SLC39A11: variants seen among roughly 807,000 people sequenced by gnomAD.
SLC39A11 encodes zinc transporter ZIP11.
In SLC39A11, 33 loss-of-function variants were observed where a neutral mutation model predicts 36.1. That is an observed-to-expected ratio of 0.91 (90% CI 0.69 to 1.22). The LOEUF (loss-of-function observed/expected upper bound fraction) is 1.22. SLC39A11 is among the 50% of genes most tolerant of loss of function. The probability of loss-of-function intolerance (pLI) is 0.00; values close to 1 mark genes in which losing one functional copy is unlikely to be tolerated. For missense variants in SLC39A11, 432 were observed against 430.3 expected, an observed-to-expected ratio of 1.00 and a Z score of -0.03; for synonymous variants, 166 against 170.3, an observed-to-expected ratio of 0.97 and a Z score of 0.20.
intron 7 of SLC39A11, among the ~76,000 whole-genome samples, chr17:72,674,726 T>C (rs1414276223): frequency 6.6e-6 from 1 of 152,216 alleles, no homozygotes; most frequent in Non-Finnish European, 1.5e-5. Context: ...GTTTTACATT[T>C]TCCCCACTGA....
chr17:72,762,042 T>A (rs2075601037), intron 6 of SLC39A11, among the ~76,000 whole-genome samples: 1 of 152,184 alleles, frequency 6.6e-6, no homozygotes, highest in Non-Finnish European at 1.5e-5. Context: ...AAGCCTGACC[T>A]TCTGATAAGG....
intron 7 of SLC39A11, among the ~76,000 whole-genome samples, chr17:72,663,402 C>T (rs565092121): frequency 1.3e-5 from 2 of 152,244 alleles, no homozygotes; most frequent in South Asian, 2.1e-4. Context: ...TACAGGATAA[C>T]GTTTCAGAAA....
intron 5 of SLC39A11, among the ~76,000 whole-genome samples, chr17:72,933,056 T>G (rs2084521763): frequency 6.6e-6 from 1 of 152,170 alleles, no homozygotes; most frequent in Non-Finnish European, 1.5e-5. Flanking sequence ...CTCTTACTCC[T>G]CCCTTCAACA....
At chr17:72,865,629 A>G (rs976486689) in intron 5 of SLC39A11, among the ~76,000 whole-genome samples, 2 of 152,160 alleles carry the variant, frequency 1.3e-5, no homozygotes, top group Non-Finnish European at 2.9e-5. Context: ...CCCTCAAGGA[A>G]AAATGCAGCC....
At chr17:72,809,847 A>G (rs1184262805) in intron 6 of SLC39A11, among the ~76,000 whole-genome samples, 1 of 152,186 alleles carries the variant, frequency 6.6e-6, no homozygotes. Context: ...AGGTGGGCAG[A>G]TCACTTGAGG....
intron 4 of SLC39A11, among the ~76,000 whole-genome samples, chr17:72,962,992 C>G (rs113262505): frequency 0.088 from 13,371 of 151,934 alleles, 857 homozygotes; most frequent in African/African-American, 0.17. Flanking sequence ...GGAAGGCCCA[C>G]TCTCTCTTTT....
intron 4 of SLC39A11, among the ~76,000 whole-genome samples, chr17:73,013,610 G>A (rs751835676): frequency 9.9e-5 from 15 of 152,238 alleles, no homozygotes; most frequent in African/African-American, 2.2e-4. Context: ...CACGGCCCAC[G>A]GGCAGCAGGT....
At chr17:72,671,532 C>G (rs1182321670) in intron 7 of SLC39A11, among the ~76,000 whole-genome samples, 1 of 152,064 alleles carries the variant, frequency 6.6e-6, no homozygotes, top group Non-Finnish European at 1.5e-5. Context: ...ACCAGCCTGG[C>G]CAAAACAGTG....
chr17:73,046,815 T>G (rs1301541434), intron 3 of SLC39A11, among the ~76,000 whole-genome samples: 1 of 151,658 alleles, frequency 6.6e-6, no homozygotes, highest in Non-Finnish European at 1.5e-5. Flanking sequence ...GTGGCGCATG[T>G]CCATAGTCCC....
chr17:72,650,857 G>A (rs1056423401), intron 7 of SLC39A11, among the ~76,000 whole-genome samples: 9 of 152,134 alleles, frequency 5.9e-5, no homozygotes, highest in Non-Finnish European at 8.8e-5. Flanking sequence ...CCCGGGACTG[G>A]GACACACTCG....
intron 5 of SLC39A11, among the ~76,000 whole-genome samples, chr17:72,897,038 G>A (rs2082063375): frequency 9.7e-6 from 1 of 102,822 alleles, no homozygotes; most frequent in African/African-American, 4.4e-5. Flanking sequence ...GGGCGACAGA[G>A]TAAGACTCTG....
intron 6 of SLC39A11, among the ~76,000 whole-genome samples, chr17:72,811,525 T>C (rs750323462): frequency 6.6e-6 from 1 of 152,226 alleles, no homozygotes; most frequent in Non-Finnish European, 1.5e-5. Context: ...TGGGCATCTT[T>C]GCCTGTCAGA....
At chr17:73,082,035 C>T (rs900647917) in intron 3 of SLC39A11, among the ~76,000 whole-genome samples, 11 of 137,808 alleles carry the variant, frequency 8.0e-5, no homozygotes, top group African/African-American at 2.7e-4. Context: ...GTGATGGGTA[C>T]ACCAAAATCT....
rs1491337743 is a variant in SLC39A11 at position 72,723,319 on chromosome 17, A to AGAGT, written c.671+13327_671+13330dup. On this transcript the variant is annotated intron_variant, in intron 7 of 9. Coordinates refer to ENST00000255559, the MANE Select transcript of SLC39A11 (RefSeq NM_139177.4). ...TTTTCTTTGTCTTTGTAGGAGTGTA[A>AGAGT]GAGTGTGTGTGTGTGTGTGTGTGTG... Among the ~76,000 whole-genome samples the AGAGT allele has an allele frequency of 8.3e-3, 499 of 60,198 alleles. 2 individuals are homozygous for AGAGT. The highest frequency in any genetic ancestry group is 0.04 in the African/African-American group (435 of 10,764). The allele number at this position is 60,198 out of a possible 152,430, so 39.5% of individuals were successfully genotyped here.
At chr17:72,877,108 A>G (rs1394298485) in intron 5 of SLC39A11, among the ~76,000 whole-genome samples, 1 of 152,238 alleles carries the variant, frequency 6.6e-6, no homozygotes, top group Non-Finnish European at 1.5e-5. Context: ...AAAGAGCCAA[A>G]AGAATCATCA....
At chr17:72,957,810 C>T (rs559223933) in intron 4 of SLC39A11, among the ~76,000 whole-genome samples, 17 of 112,528 alleles carry the variant, frequency 1.5e-4, no homozygotes, top group African/African-American at 4.5e-4. Flanking sequence ...CAAAGGGAGA[C>T]CCTGTCTCAA....
chr17:72,701,820 G>T (rs904861759), intron 7 of SLC39A11, among the ~76,000 whole-genome samples: 2 of 151,868 alleles, frequency 1.3e-5, no homozygotes, highest in African/African-American at 4.8e-5. Context: ...ACATAGACAC[G>T]CAGAGTGTGG....
rs1183685277 is a variant in SLC39A11, at chr17:73,038,752, A to T, written c.148-7038T>A. Reference sequence around the variant, plus strand: ...GAGAGAGAGAAAGAAAGGAGGGAGGAGGGAGGGAGGAGGGATGGAGGAGGG... The same window carrying T: ...GAGAGAGAGAAAGAAAGGAGGGAGGTGGGAGGGAGGAGGGATGGAGGAGGG... On this transcript the variant is annotated intron_variant, in intron 3 of 9. Transcript: ENST00000255559. Among the ~76,000 whole-genome samples the T allele has an allele frequency of 4.5e-5, 4 of 88,096 alleles. No individual in the cohort carries two copies. In the Admixed American group the frequency reaches 6.0e-4, roughly 13 times the overall value. 57.8% of individuals were successfully genotyped at this position (88,096 alleles called of 152,430 possible). A position where few individuals can be genotyped will look rare whatever the true frequency, so the allele number is the denominator to read the frequency against.
At chr17:72,722,847 G>C (rs927812118) in intron 7 of SLC39A11, among the ~76,000 whole-genome samples, 5 of 152,064 alleles carry the variant, frequency 3.3e-5, no homozygotes, top group Non-Finnish European at 5.9e-5. Flanking sequence ...TGTTTGCCAA[G>C]CCGGTCTGTA....
Sources: allele counts gnomAD v4.1 joint callset (sites outside exome capture counted in the v4.1 genomes callset), GRCh38; gene constraint gnomAD v4.1.1; transcripts MANE v1.5; gene names NCBI Gene and HGNC (gene_info 2026-07-23, HGNC 2026-07-21).